PCDH15: variants seen among roughly 807,000 people sequenced by gnomAD.
PCDH15 encodes protocadherin related 15, also known as protocadherin-15.
In PCDH15, 129 loss-of-function variants were observed where a neutral mutation model predicts 178.5. The observed-to-expected ratio is 0.72, with a 90% CI of 0.63 to 0.84. The LOEUF is 0.84. PCDH15 is among the 40% of genes least tolerant of loss of function. The pLI is 0.00. For synonymous variants in PCDH15, 800 were observed against 732.0 expected, an observed-to-expected ratio of 1.09 and a Z score of -1.50; for missense variants, 2,230 against 2,099.9, an observed-to-expected ratio of 1.06 and a Z score of -1.21.
At chr10:54,777,289 C>T (rs1949815152) in intron 1 of PCDH15, among the ~76,000 whole-genome samples, 2 of 152,130 alleles carry the variant, frequency 1.3e-5, no homozygotes, top group African/African-American at 2.4e-5. Flanking sequence ...CAGCAGGGTG[C>T]GGATGTGTAC....
intron 1 of PCDH15, among the ~76,000 whole-genome samples, chr10:55,231,041 T>A (rs928893672): frequency 6.6e-6 from 1 of 151,940 alleles, no homozygotes; most frequent in African/African-American, 2.4e-5. Context: ...ACTTAAAGAA[T>A]TACATATAAT....
intron 2 of PCDH15, among the ~76,000 whole-genome samples, chr10:54,582,721 G>C (rs1378543212): frequency 1.3e-5 from 2 of 152,004 alleles, no homozygotes; most frequent in Non-Finnish European, 2.9e-5. Context: ...AACTAGCATG[G>C]GCAATGTAGG....
chr10:55,027,245 G>A (rs1484958310), intron 2 of PCDH15, among the ~76,000 whole-genome samples: 1 of 151,828 alleles, frequency 6.6e-6, no homozygotes, highest in Non-Finnish European at 1.5e-5. Flanking sequence ...TTTACAGTTA[G>A]AGAAAGAACT....
intron 1 of PCDH15, among the ~76,000 whole-genome samples, chr10:54,700,587 G>A (rs1027600983): frequency 2.0e-5 from 3 of 151,966 alleles, no homozygotes; most frequent in East Asian, 1.9e-4. Flanking sequence ...AAGTATCAAC[G>A]CAAAATCAAC....
chr10:53,969,622 C>T (rs2089452502), intron 21 of PCDH15, among the ~76,000 whole-genome samples: 1 of 152,146 alleles, frequency 6.6e-6, no homozygotes, highest in African/African-American at 2.4e-5. Flanking sequence ...GGTCTGGTTA[C>T]CCACAAAGGG....
intron 2 of PCDH15, among the ~76,000 whole-genome samples, chr10:55,118,889 C>T (rs1241820484): frequency 3.3e-5 from 5 of 152,138 alleles, no homozygotes; most frequent in African/African-American, 7.2e-5. Context: ...AATTGACTTA[C>T]GAAGAGATTT....
chr10:54,214,001 C>T lies in PCDH15; in HGVS notation c.1033G>A (p.Ala345Thr). The change falls in exon 10 of 38, where the codon GCA (alanine) becomes ACA (threonine). Residue 345 changes from alanine to threonine, a missense_variant. By Grantham distance (58) the Ala-to-Thr change is moderately conservative (BLOSUM62 0). Coordinates refer to ENST00000644397, the MANE Select transcript of PCDH15 (RefSeq NM_001384140.1). ...ACTGGCTCCAGGAGACTAAGTTCTG[C>T]TGTCCTAGGATGCATATGGAAAAAT... ...PRFFHMHPRTAELSLLEPVNR... is the reference protein window; with the variant it reads ...PRFFHMHPRTTELSLLEPVNR... 1 of 1,612,080 alleles carries T rather than the reference C, an allele frequency of 6.2e-7. No homozygotes were observed. Among genetic ancestry groups the T allele is most frequent in the Non-Finnish European group, 8.5e-7 (1 of 1,178,406 alleles).
At chr10:54,020,544 GT>G in intron 19 of PCDH15, 128 bp from the exon 20 acceptor site, 1 of 941,472 alleles carries the variant, frequency 1.1e-6, no homozygotes, top group South Asian at 1.4e-5. Context: ...CACGTTTTTT[GT>G]TTTTGTTTTT....
chr10:54,206,386 A>G (rs7915132), intron 10 of PCDH15, among the ~76,000 whole-genome samples: 5,187 of 152,236 alleles, frequency 0.034, 126 homozygotes, highest in Middle Eastern at 0.085. Flanking sequence ...ATAAACAGCA[A>G]GGTCAGCCAG....
intron 2 of PCDH15, among the ~76,000 whole-genome samples, chr10:55,097,339 A>G (rs1299939518): frequency 6.6e-6 from 1 of 152,120 alleles, no homozygotes; most frequent in Non-Finnish European, 1.5e-5. Flanking sequence ...TTAAGAAGTA[A>G]AGTAACCTGC....
chr10:54,215,606 G>A (rs12243910), intron 9 of PCDH15, among the ~76,000 whole-genome samples: 13,596 of 152,140 alleles, frequency 0.089, 1,944 homozygotes, highest in African/African-American at 0.3. Context: ...ATGTGAGAGT[G>A]AGCAAACCTT....
chr10:53,817,137 T>C (rs1463182623), intron 34 of PCDH15, among the ~76,000 whole-genome samples: 1 of 151,344 alleles, frequency 6.6e-6, no homozygotes, highest in East Asian at 1.9e-4. Flanking sequence ...ACTGAAGGGA[T>C]ATCCTTTTTA....
chr10:54,000,104 G>A (rs939313602), intron 20 of PCDH15, among the ~76,000 whole-genome samples: 12 of 152,210 alleles, frequency 7.9e-5, no homozygotes, highest in African/African-American at 2.7e-4. Flanking sequence ...GGTAGTAAGA[G>A]TCTGCCAAGA....
At chr10:54,460,007 T>C (rs890278816) in intron 3 of PCDH15, among the ~76,000 whole-genome samples, 3 of 152,140 alleles carry the variant, frequency 2.0e-5, no homozygotes, top group Non-Finnish European at 4.4e-5. Flanking sequence ...TTGAAGTTTT[T>C]CAAAATAAAA....
intron 2 of PCDH15, among the ~76,000 whole-genome samples, chr10:55,537,411 TTATGTATGTATG>T (rs539616680): frequency 8.6e-5 from 13 of 150,678 alleles, no homozygotes; most frequent in African/African-American, 1.2e-4. Flanking sequence ...ATTTATGTAT[TTATGTATGTATG>T]TATGTATGTA....
intron 14 of PCDH15, among the ~76,000 whole-genome samples, chr10:54,134,349 T>TA (rs2133079401): frequency 1.1e-5 from 1 of 88,254 alleles, no homozygotes; most frequent in South Asian, 5.1e-4. Context: ...GCCTAGAATC[T>TA]CCTTAAAGTA....
chr10:54,245,850 A>G (rs11004172), intron 8 of PCDH15, among the ~76,000 whole-genome samples: 7,110 of 152,084 alleles, frequency 0.047, 406 homozygotes, highest in African/African-American at 0.14. Flanking sequence ...ATGCTCGGAG[A>G]TGTGTTGAGA....
rs1589070603 is a variant in PCDH15, at chr10:55,484,109, G to A, written c.-156+143516C>T. The stretch of plus-strand genomic sequence containing the variant: ...ACATGATGAGACACATGGACACTGA[G>A]AGGGGAACAACACACGCTGGGGCCT... On this transcript the variant is annotated intron_variant, in intron 2 of 5. Transcript: ENST00000613346. 2.6e-5 allele frequency among the ~76,000 whole-genome samples: 4 copies of A among 151,790 alleles called. No homozygotes were observed. In the South Asian group the frequency reaches 8.3e-4, roughly 31 times the overall value.
chr10:55,053,903 T>A (rs1397059724), intron 2 of PCDH15, among the ~76,000 whole-genome samples: 1 of 152,206 alleles, frequency 6.6e-6, no homozygotes, highest in Non-Finnish European at 1.5e-5. Flanking sequence ...CCTAGATGTA[T>A]TTTATTCCCT....
Sources: allele counts gnomAD v4.1 joint callset (sites outside exome capture counted in the v4.1 genomes callset), GRCh38; gene constraint gnomAD v4.1.1; transcripts MANE v1.5; gene names NCBI Gene and HGNC (gene_info 2026-07-23, HGNC 2026-07-21).